SMC2: variants seen among roughly 807,000 people sequenced by gnomAD.
The protein encoded by SMC2 is structural maintenance of chromosomes 2.
SMC2 carries 41 observed loss-of-function variants against 142.6 expected under a neutral mutation model. The ratio of observed to expected loss-of-function variants is 0.29; its 90% CI spans 0.22 to 0.37. The LOEUF is 0.37. SMC2 is among the 10% of genes least tolerant of loss of function. The pLI is 1.00. For missense variants in SMC2, 1,265 were observed against 1,373.7 expected (o/e 0.92, Z 1.25); for synonymous variants, 463 against 457.5 (o/e 1.01, Z -0.15).
At chr9:104,088,340 C>T in the SMC2 span, among the ~76,000 whole-genome samples, 1 of 151,822 alleles carries the variant, frequency 6.6e-6, no homozygotes, top group Admixed American at 6.6e-5. Flanking sequence ...CATATTGAAC[C>T]AATATTTATT....
chr9:104,093,351 T>G (rs1054035462), upstream of SMC2, among the ~76,000 whole-genome samples: 1 of 152,142 alleles, frequency 6.6e-6, no homozygotes, highest in African/African-American at 2.4e-5. Flanking sequence ...CTAGATTCTA[T>G]GCATGAAGCC....
Position 104,094,360 on chromosome 9 carries a change from G to A in SMC2, c.-179G>A, listed in dbSNP as rs749978349. 2.5e-6 allele frequency: 1 copy of A among 398,784 alleles called. No homozygotes were observed. The highest frequency in any genetic ancestry group is 4.4e-5 in the Admixed American group (1 of 22,742). The allele number at this position is 398,784 out of a possible 1,614,324, so 24.7% of individuals were successfully genotyped here. ...TGTTGAGAGCGGTGTGGCAGGTGTTGTAGCCGCTATGGTGAAGTTCGCTTT... is the reference window on the plus strand; with the variant it reads ...TGTTGAGAGCGGTGTGGCAGGTGTTATAGCCGCTATGGTGAAGTTCGCTTT... On this transcript the variant is annotated 5_prime_UTR_variant, in exon 1 of 25. Coordinates refer to ENST00000374793, the MANE Select transcript of SMC2 (RefSeq NM_006444.3).
At chr9:104,093,636 G>C (rs1830134773), upstream of SMC2, among the ~76,000 whole-genome samples, 1 of 152,318 alleles carries the variant, frequency 6.6e-6, no homozygotes, top group East Asian at 1.9e-4. Flanking sequence ...TCCGGTATAA[G>C]GGAGATGAAT....
chr9:104,098,141 G>T (rs192842621), intron 3 of SMC2, among the ~76,000 whole-genome samples: 1 of 152,320 alleles, frequency 6.6e-6, no homozygotes, highest in African/African-American at 2.4e-5. Context: ...AGGAAAGTGT[G>T]TTTTACATAT....
chr9:104,122,092 TG>T (rs1322013606), intron 16 of SMC2, among the ~76,000 whole-genome samples: 1 of 152,200 alleles, frequency 6.6e-6, no homozygotes, highest in African/African-American at 2.4e-5. Flanking sequence ...TTTTTTTCTG[TG>T]AGAAGAGTAG....
intron 9 of SMC2, among the ~76,000 whole-genome samples, chr9:104,103,017 T>C (rs62583476): frequency 0.01 from 1,549 of 152,194 alleles, 17 homozygotes; most frequent in Non-Finnish European, 0.016. Context: ...GGTACTTAAC[T>C]ATATGAATAT....
chr9:104,131,055 T>G (rs1834907274), intron 21 of SMC2, among the ~76,000 whole-genome samples: 1 of 152,098 alleles, frequency 6.6e-6, no homozygotes. Context: ...CAGGACTGAC[T>G]AGAATTGTTA....
upstream of SMC2, among the ~76,000 whole-genome samples, chr9:104,093,387 A>T (rs1830105115): frequency 1.3e-5 from 2 of 152,120 alleles, no homozygotes; most frequent in Admixed American, 6.6e-5. Context: ...TGCAATCTGG[A>T]GCTAGACCGC....
chr9:104,095,607 C>T, intron 2 of SMC2, 55 bp downstream of exon 2: 7 of 1,442,258 alleles, frequency 4.9e-6, no homozygotes, highest in Middle Eastern at 1.8e-4. Context: ...AGAATCCTCA[C>T]TGAACTTTGG....
chr9:104,110,280 CTGCAGCTGTGGT>C (rs1472069895), intron 9 of SMC2, among the ~76,000 whole-genome samples: 3 of 152,190 alleles, frequency 2.0e-5, no homozygotes, highest in African/African-American at 7.2e-5. Context: ...AGATTGAGGT[CTGCAGCTGTGGT>C]TGCCTGCCTT....
At chr9:104,088,812 G>C in the SMC2 span, among the ~76,000 whole-genome samples, 60 of 152,156 alleles carry the variant, frequency 3.9e-4, 1 homozygote, top group East Asian at 0.011. Context: ...GGATTCCTTG[G>C]AGACAGGCAG....
chr9:104,139,415 G>A lies in SMC2; in HGVS notation c.*100G>A, dbSNP rs1835881871. On this transcript the variant is annotated 3_prime_UTR_variant, in exon 25 of 25. Coordinates refer to ENST00000374793, the MANE Select transcript of SMC2 (RefSeq NM_006444.3). ...TTTATATACAAAAATTAATGTTACT[G>A]TGTTACTTAACCCATGTTTTCTCTT... 6 of 935,690 alleles carry A rather than the reference G, an allele frequency of 6.4e-6. No individual in the cohort carries two copies. The South Asian group carries it at 8.9e-5, about 14-fold the overall frequency. The allele number at this position is 935,690 out of a possible 1,614,324, so 58.0% of individuals were successfully genotyped here. A position where few individuals can be genotyped will look rare whatever the true frequency, so the allele number is the denominator to read the frequency against.
At chr9:104,115,515 CGGTAAGCT>C (rs1467089415) in intron 13 of SMC2, among the ~76,000 whole-genome samples, 3 of 135,682 alleles carry the variant, frequency 2.2e-5, no homozygotes, top group African/African-American at 1.1e-4. Context: ...GTGGAGGTTG[CGGTAAGCT>C]GCGGTAAGCT....
chr9:104,094,099 G>T (rs1830179275), upstream of SMC2, among the ~76,000 whole-genome samples: 1 of 152,044 alleles, frequency 6.6e-6, no homozygotes, highest in East Asian at 1.9e-4. Context: ...GCCGGACGCC[G>T]GTGTGAACAT....
At chr9:104,137,853 A>T (rs1293205959) in intron 23 of SMC2, among the ~76,000 whole-genome samples, 165 bp from the exon 24 acceptor site, 1 of 151,178 alleles carries the variant, frequency 6.6e-6, no homozygotes, top group African/African-American at 2.5e-5. Flanking sequence ...TAATATTTTA[A>T]TACAACAAAA....
Position 104,126,829 on chromosome 9 carries a change from T to C in SMC2, c.2595+45T>C, listed in dbSNP as rs745386655. The C allele has an allele frequency of 1.4e-5, 21 of 1,544,224 alleles. No homozygotes were observed. The East Asian group carries it at 4.7e-4, about 35-fold the overall frequency. On this transcript the variant is annotated intron_variant, in intron 19 of 24. Coordinates refer to ENST00000374793, the MANE Select transcript of SMC2 (RefSeq NM_006444.3). ...TTCGAGAAATTGAAAATGCGAATCTTTTTATGAAACATTAGCTTAAGATGT... is the reference window on the plus strand; with the variant it reads ...TTCGAGAAATTGAAAATGCGAATCTCTTTATGAAACATTAGCTTAAGATGT...
Position 104,095,543 on chromosome 9 carries a change from C to A in SMC2, c.159C>A (p.Asn53Lys). The A allele has an allele frequency of 6.2e-7, 1 of 1,613,266 alleles. No individual in the cohort carries two copies. Among genetic ancestry groups the A allele is most frequent in the South Asian group, 1.1e-5 (1 of 91,054 alleles). ...TCTGCTTTTTGCTGGGCATCTCCAACCTGTCTCAGGTAAAGTGTAAACTTT... is the reference window on the plus strand; with the variant it reads ...TCTGCTTTTTGCTGGGCATCTCCAAACTGTCTCAGGTAAAGTGTAAACTTT... The part of the protein sequence containing the change: ...DSICFLLGIS[N>K]LSQVRASNLQ... The change falls in exon 2 of 25, where the codon AAC (asparagine) becomes AAA (lysine). Residue 53 changes from asparagine to lysine, a missense_variant. Physicochemically the swap from Asn to Lys is moderately conservative, Grantham distance 94. Around this residue, in one of 4 missense-constraint regions of SMC2, gnomAD observed 168 missense variants for 184.8 expected, o/e 0.91. Transcript: ENST00000374793.
intron 18 of SMC2, 115 bp from the exon 19 acceptor site, chr9:104,126,526 A>G (rs2131501444): frequency 1.4e-6 from 1 of 718,568 alleles, no homozygotes; most frequent in Non-Finnish European, 2.1e-6. Context: ...CTGAGTGGTA[A>G]CAAAGCTGTG....
At position 104,099,691 on chromosome 9, in the gene SMC2, A is replaced by G. The variant is rs1830892253; in HGVS notation, c.480+9A>G. The stretch of plus-strand genomic sequence containing the variant: ...ATATGAAACCTCCAGAGGTAAGAGT[A>G]CTATTTATGGACATTAAAAATAGTT... On this transcript the variant is annotated intron_variant, in intron 5 of 24. Transcript: ENST00000374793. 1.3e-6 allele frequency: 2 copies of G among 1,522,226 alleles called. No individual in the cohort carries two copies. Among genetic ancestry groups the G allele is most frequent in the Non-Finnish European group, 1.8e-6 (2 of 1,097,892 alleles). The allele number at this position is 1,522,226 out of a possible 1,614,324, so 94.3% of individuals were successfully genotyped here.
Sources: allele counts gnomAD v4.1 joint callset (sites outside exome capture counted in the v4.1 genomes callset), GRCh38; gene constraint gnomAD v4.1.1; regional missense constraint gnomAD v4.1.1; transcripts MANE v1.5; gene names NCBI Gene and HGNC (gene_info 2026-07-23, HGNC 2026-07-21).